HTR1F: variants seen among roughly 807,000 people sequenced by gnomAD.
HTR1F encodes the protein 5-hydroxytryptamine receptor 1F.
HTR1F carries 17 observed loss-of-function variants against 24.0 expected under a neutral mutation model. That is an observed-to-expected ratio of 0.71 (90% CI 0.48 to 1.06). The LOEUF (loss-of-function observed/expected upper bound fraction) is 1.06, where lower values mean the gene tolerates loss of function less well. Ranked by LOEUF, HTR1F falls within the 50% of genes least tolerant of loss-of-function variation. The pLI, the probability that HTR1F is intolerant of heterozygous loss-of-function variation, is 0.00. For synonymous variants in HTR1F, 186 were observed against 156.8 expected (o/e 1.19, Z -1.39); for missense variants, 391 against 427.8 (o/e 0.91, Z 0.76).
intron 2 of HTR1F, among the ~76,000 whole-genome samples, chr3:87,838,948 A>C (rs1704738880): frequency 6.7e-6 from 1 of 149,622 alleles, no homozygotes; most frequent in African/African-American, 2.4e-5. Context: ...ATTTGCAAAT[A>C]TTTTCTCCCA....
intron 2 of HTR1F, among the ~76,000 whole-genome samples, chr3:87,854,871 G>A (rs972210518): frequency 2.6e-5 from 4 of 151,826 alleles, no homozygotes; most frequent in African/African-American, 9.7e-5. Flanking sequence ...AATTATGTTT[G>A]TCATTCTAGA....
At chr3:87,921,082 T>C (rs1020133467) in intron 2 of HTR1F, among the ~76,000 whole-genome samples, 1 of 151,980 alleles carries the variant, frequency 6.6e-6, no homozygotes, top group Non-Finnish European at 1.5e-5. Context: ...CTGGAGAAAT[T>C]AGCTTATCTT....
chr3:87,897,056 G>A (rs1706213284), intron 2 of HTR1F, among the ~76,000 whole-genome samples: 1 of 151,806 alleles, frequency 6.6e-6, no homozygotes, highest in Non-Finnish European at 1.5e-5. Flanking sequence ...TCCCTCTTCT[G>A]GATATATATT....
intron 2 of HTR1F, among the ~76,000 whole-genome samples, chr3:87,827,426 C>A (rs1470954855): frequency 6.6e-6 from 1 of 152,178 alleles, no homozygotes; most frequent in Non-Finnish European, 1.5e-5. Context: ...AACTGTGCTA[C>A]CATTTTGTAT....
intron 1 of HTR1F, chr3:87,793,599 A>G (rs1265261448): frequency 6.6e-6 from 1 of 152,122 alleles, no homozygotes; most frequent in Non-Finnish European, 1.5e-5. Context: ...TCCTGCCCCT[A>G]AAGGGGCTGT....
intron 1 of HTR1F, among the ~76,000 whole-genome samples, chr3:87,821,557 C>A (rs376849857): frequency 6.6e-6 from 1 of 152,092 alleles, no homozygotes; most frequent in South Asian, 2.1e-4. Flanking sequence ...CCTCAAATCC[C>A]AAAATATTAG....
intron 2 of HTR1F, among the ~76,000 whole-genome samples, chr3:87,978,324 G>A (rs936548284): frequency 5.9e-5 from 9 of 152,136 alleles, no homozygotes; most frequent in African/African-American, 2.2e-4. Flanking sequence ...TTGATGAGTC[G>A]GGGAGCTGTG....
chr3:87,914,376 A>T lies in HTR1F; in HGVS notation c.-42-76332A>T, dbSNP rs1228696158. Among the ~76,000 whole-genome samples, 6 of 152,142 alleles carry T rather than the reference A, an allele frequency of 3.9e-5. No individual in the cohort carries two copies. The East Asian group carries it at 9.6e-4, about 24-fold the overall frequency. On this transcript the variant is annotated intron_variant, in intron 2 of 2. Transcript: ENST00000319595. ...GAACTCGGCAGAGGGCATGAATCCG[A>T]TATTGCAGATTCCATGGGCAGGGGA... is the stretch of plus-strand genomic sequence containing the variant.
intron 2 of HTR1F, among the ~76,000 whole-genome samples, chr3:87,885,889 T>A (rs2919276): frequency 0.25 from 38,139 of 151,996 alleles, 7,617 homozygotes; most frequent in African/African-American, 0.56. Flanking sequence ...AGACGGATTC[T>A]CAGCCGAATT....
intron 2 of HTR1F, among the ~76,000 whole-genome samples, chr3:87,923,184 A>G (rs1704048580): frequency 6.6e-6 from 1 of 151,946 alleles, no homozygotes; most frequent in Admixed American, 6.6e-5. Context: ...GAATATTTTA[A>G]AGTCAGGTGG....
chr3:87,881,814 T>A (rs1705809234), intron 2 of HTR1F, among the ~76,000 whole-genome samples: 1 of 152,082 alleles, frequency 6.6e-6, no homozygotes, highest in South Asian at 2.1e-4. Flanking sequence ...GGACTTCATG[T>A]CTAAACACCA....
chr3:87,927,075 G>C (rs1156466432), intron 2 of HTR1F, among the ~76,000 whole-genome samples: 1 of 152,146 alleles, frequency 6.6e-6, no homozygotes, highest in South Asian at 2.1e-4. Flanking sequence ...TCGAGGCTTT[G>C]TAGAGGACTC....
chr3:87,926,049 AAAAGCAGATAC>A (rs1378901500), intron 2 of HTR1F, among the ~76,000 whole-genome samples: 3 of 152,234 alleles, frequency 2.0e-5, no homozygotes, highest in African/African-American at 7.2e-5. Flanking sequence ...TGCTTTTCCT[AAAAGCAGATAC>A]ATTTATTTCA....
chr3:87,833,461 C>T (rs547040201), intron 2 of HTR1F, among the ~76,000 whole-genome samples: 28 of 152,028 alleles, frequency 1.8e-4, no homozygotes, highest in Non-Finnish European at 3.4e-4. Flanking sequence ...AAACAGTATA[C>T]TGTTTCAACA....
At chr3:87,869,431 A>ACATAGATAGATAGATAGAT (rs1470390771) in intron 2 of HTR1F, among the ~76,000 whole-genome samples, 9 of 139,394 alleles carry the variant, frequency 6.5e-5, no homozygotes, top group East Asian at 4.0e-4. Flanking sequence ...ATAGATAGAT[A>ACATAGATAGATAGATAGAT]GATACATAGA....
At chr3:87,838,261 C>T (rs1704724230) in intron 2 of HTR1F, among the ~76,000 whole-genome samples, 1 of 152,082 alleles carries the variant, frequency 6.6e-6, no homozygotes. Context: ...AATGTTCTAT[C>T]TCCTGTCAAT....
chr3:87,890,918 T>G (rs1330666010), intron 2 of HTR1F, among the ~76,000 whole-genome samples: 3 of 151,264 alleles, frequency 2.0e-5, no homozygotes, highest in Non-Finnish European at 4.4e-5. Context: ...CTCGGCTCAC[T>G]GCAACCTGTG....
At chr3:87,912,887 T>C (rs1290415972) in intron 2 of HTR1F, among the ~76,000 whole-genome samples, 2 of 152,168 alleles carry the variant, frequency 1.3e-5, no homozygotes, top group East Asian at 1.9e-4. Context: ...GCTAGTCATA[T>C]GCAGAAAATT....
intron 1 of HTR1F, among the ~76,000 whole-genome samples, chr3:87,800,964 A>C (rs1703981001): frequency 6.6e-6 from 1 of 152,230 alleles, no homozygotes; most frequent in Non-Finnish European, 1.5e-5. Context: ...TATCAAGAAA[A>C]GTATATAGTC....
Sources: gnomAD v4.1 joint callset for allele counts (sites outside exome capture counted in the v4.1 genomes callset) on GRCh38, gnomAD v4.1.1 for gene constraint, MANE v1.5 for transcripts, NCBI Gene and HGNC (gene_info 2026-07-23, HGNC 2026-07-21) for gene names.